HMX2: variants seen among roughly 807,000 people sequenced by gnomAD.
HMX2 encodes H6 family homeobox 2.
HMX2 carries 15 observed loss-of-function variants against 21.2 expected under a neutral mutation model. The observed-to-expected ratio is 0.71, with a 90% CI of 0.47 to 1.09. The LOEUF (loss-of-function observed/expected upper bound fraction) is 1.09, where lower values mean the gene tolerates loss of function less well. HMX2 is among the 50% of genes least tolerant of loss of function. HMX2 has a pLI of 0.00. For missense variants in HMX2, 440 were observed against 381.5 expected (o/e 1.15, Z -1.28); for synonymous variants, 193 against 181.0 (o/e 1.07, Z -0.53).
chr10:123,149,468 A>C lies in HMX2; in HGVS notation c.269-102A>C. 1.0e-6 allele frequency: 1 copy of C among 974,046 alleles called. No individual in the cohort carries two copies. Among genetic ancestry groups the C allele is most frequent in the Non-Finnish European group, 1.4e-6 (1 of 699,126 alleles). The allele number at this position is 974,046 out of a possible 1,614,324, so 60.3% of individuals were successfully genotyped here. A position where few individuals can be genotyped will look rare whatever the true frequency, so the allele number is the denominator to read the frequency against. ...GGAGGGGATTGGTAAGGTGGGACCA[A>C]GGCTGCAGGCGCTTGCCAACCGCTT... On this transcript the variant is annotated intron_variant, in intron 1 of 1. Transcript: ENST00000339992. The surrounding 1 kb of genome is among the most constrained non-coding windows in gnomAD (Gnocchi z 5.4).
Position 123,149,877 on chromosome 10 carries a change from G to A in HMX2, c.576G>A (p.Gln192=). ...LASSLQLTET[Q]VKTWFQNRRN... is the part of the protein sequence containing the mutation. ...CCAGCCTGCAGCTCACGGAGACCCA[G>A]GTAAAGACTTGGTTCCAGAACCGCC... The change falls in exon 2 of 2, where the codon CAG becomes CAA. Residue 192 remains glutamine, a synonymous_variant. Transcript: ENST00000339992. This position sits in a 1 kb window ranked among gnomAD's most constrained non-coding sequence, Gnocchi z 5.4. 2 of 1,612,838 alleles carry A rather than the reference G, an allele frequency of 1.2e-6. No individual in the cohort carries two copies. Among genetic ancestry groups the A allele is most frequent in the Non-Finnish European group, 1.7e-6 (2 of 1,179,894 alleles).
At position 123,148,347 on chromosome 10, in the gene HMX2, C is replaced by T. The variant is rs752125166; in HGVS notation, c.-32C>T. The T allele has an allele frequency of 1.3e-6, 2 of 1,592,510 alleles. No homozygotes were observed. Among genetic ancestry groups the T allele is most frequent in the Non-Finnish European group, 1.7e-6 (2 of 1,167,798 alleles). Reference sequence around the variant, plus strand: ...ACCCAGATCGTCTCTAAAGGGAGTTCTTGGTTTCCTTCGATTTCTTATGAA... The same window carrying T: ...ACCCAGATCGTCTCTAAAGGGAGTTTTTGGTTTCCTTCGATTTCTTATGAA... On this transcript the variant is annotated 5_prime_UTR_variant, in exon 1 of 2. Transcript: ENST00000339992.
Position 123,148,247 on chromosome 10 carries a change from C to T in HMX2, c.-132C>T, listed in dbSNP as rs1429034908. ...CGCGGAAGGGACGCCTCACCAGCCT[C>T]GGCGCCCCCTCCCCCTAGATTTCCT... On this transcript the variant is annotated 5_prime_UTR_variant, in exon 1 of 2. Transcript: ENST00000339992. The T allele has an allele frequency of 6.5e-6, 6 of 925,336 alleles. No individual in the cohort carries two copies. The African/African-American group carries it at 8.5e-5, about 13-fold the overall frequency. The allele number at this position is 925,336 out of a possible 1,614,324, so 57.3% of individuals were successfully genotyped here.
At position 123,148,502 on chromosome 10, in the gene HMX2, G is replaced by A. The variant is rs762725235; in HGVS notation, c.124G>A (p.Ala42Thr). 46 of 1,612,472 alleles carry A rather than the reference G, an allele frequency of 2.9e-5. No homozygotes were observed. Among genetic ancestry groups the A allele is most frequent in the Non-Finnish European group, 3.6e-5 (43 of 1,179,442 alleles). ...EAPREPVGWP[A>T]RKRSLSVSSE... The stretch of plus-strand genomic sequence containing the variant: ...ACCGCGGGAGCCCGTCGGCTGGCCA[G>A]CCAGGAAGCGCAGCCTGTCCGTGTC... The change falls in exon 1 of 2, where the codon GCC (alanine) becomes ACC (threonine). Residue 42 changes from alanine to threonine, a missense_variant. Ala to Thr is a moderately conservative substitution (Grantham distance 58, BLOSUM62 0). Coordinates refer to ENST00000339992, the MANE Select transcript of HMX2 (RefSeq NM_005519.2).
Position 123,148,561 on chromosome 10 carries a change from G to A in HMX2, c.183G>A (p.Lys61=). Residue 61 remains lysine, a synonymous_variant, in exon 1 of 2, where the codon AAG becomes AAA. Transcript: ENST00000339992. The stretch of plus-strand genomic sequence containing the variant: ...AGGAGGAGCCGGACGACGGCTGGAA[G>A]GCGCCCGCCTGCTTCTGCCCAGACC... The part of the protein sequence containing the change: ...SEEEEPDDGW[K]APACFCPDQH... The A allele has an allele frequency of 3.1e-6, 5 of 1,613,066 alleles. No homozygotes were observed. The highest frequency in any genetic ancestry group is 1.3e-5 in the African/African-American group (1 of 75,048).
intron 1 of HMX2, 88 bp downstream of exon 1, chr10:123,148,734 C>G: frequency 1.3e-6 from 2 of 1,511,378 alleles, no homozygotes; most frequent in Non-Finnish European, 1.8e-6. Flanking sequence ...CGCCGGGCCC[C>G]CTCTGGCCAG....
At position 123,150,594 on chromosome 10, in the gene HMX2, G is replaced by A. The variant is rs1464607814; in HGVS notation, c.*471G>A. On this transcript the variant is annotated 3_prime_UTR_variant, in exon 2 of 2. Transcript: ENST00000339992. The surrounding 1 kb of genome is among the most constrained non-coding windows in gnomAD (Gnocchi z 4.2). Reference sequence around the variant, plus strand: ...TTCTTTTCGTTTCCCTCATCCCGAGGATGGTAGGGACGAAAAGGGGAGAGT... The same window carrying A: ...TTCTTTTCGTTTCCCTCATCCCGAGAATGGTAGGGACGAAAAGGGGAGAGT... The A allele has an allele frequency of 6.5e-6, 1 of 153,596 alleles. No individual in the cohort carries two copies. The highest frequency in any genetic ancestry group is 1.9e-4 in the East Asian group (1 of 5,232). 9.5% of individuals were successfully genotyped at this position (153,596 alleles called of 1,614,324 possible).
Position 123,148,558 on chromosome 10 carries a change from G to A in HMX2, c.180G>A (p.Trp60Ter). ...AGGAGGAGGAGCCGGACGACGGCTG[G>A]AAGGCGCCCGCCTGCTTCTGCCCAG... ...SSEEEEPDDGWKAPACFCPDQ... is the reference protein window; with the variant it reads ...SSEEEEPDDG The change falls in exon 1 of 2, where the codon TGG becomes TGA. Residue 60 changes from tryptophan (W) to a stop codon, truncating the protein, a stop_gained. Transcript: ENST00000339992. LOFTEE classifies it high-confidence loss of function. 4 of 1,613,018 alleles carry A rather than the reference G, an allele frequency of 2.5e-6. No homozygotes were observed. The highest frequency in any genetic ancestry group is 3.4e-6 in the Non-Finnish European group (4 of 1,179,806).
rs1444736687 is a variant in HMX2 at position 123,149,503 on chromosome 10, G to A, written c.269-67G>A. 1.5e-6 allele frequency: 2 copies of A among 1,336,318 alleles called. No homozygotes were observed. The highest frequency in any genetic ancestry group is 2.0e-6 in the Non-Finnish European group (2 of 1,019,578). The allele number at this position is 1,336,318 out of a possible 1,614,324, so 82.8% of individuals were successfully genotyped here. ...CGCTTGCCAACCGCTTGGTCCCAGG[G>A]AGAGCTGGCGGTCTCCGAGGCTCCC... On this transcript the variant is annotated intron_variant, in intron 1 of 1. Transcript: ENST00000339992. The surrounding 1 kb of genome is among the most constrained non-coding windows in gnomAD (Gnocchi z 5.4).
Position 123,148,351 on chromosome 10 carries a change from G to C in HMX2, c.-28G>C. 1 of 1,612,534 alleles carries C rather than the reference G, an allele frequency of 6.2e-7. No individual in the cohort carries two copies. Among genetic ancestry groups the C allele is most frequent in the Non-Finnish European group, 8.5e-7 (1 of 1,179,328 alleles). On this transcript the variant is annotated 5_prime_UTR_variant, in exon 1 of 2. Transcript: ENST00000339992. ...AGATCGTCTCTAAAGGGAGTTCTTG[G>C]TTTCCTTCGATTTCTTATGAACCCA...
At chr10:123,148,886 A>T (rs1275123268) in intron 1 of HMX2, among the ~76,000 whole-genome samples, 1 of 152,146 alleles carries the variant, frequency 6.6e-6, no homozygotes, top group Non-Finnish European at 1.5e-5. Flanking sequence ...TTGTTGAGAG[A>T]GTGGACCACA....
Position 123,148,270 on chromosome 10 carries a change from C to T in HMX2, c.-109C>T. 29 of 601,198 alleles carry T rather than the reference C, an allele frequency of 4.8e-5. No homozygotes were observed. The highest frequency in any genetic ancestry group is 7.2e-5 in the Non-Finnish European group (25 of 347,970). The allele number at this position is 601,198 out of a possible 1,614,324, so 37.2% of individuals were successfully genotyped here. ...CTCGGCGCCCCCTCCCCCTAGATTT[C>T]CTCCCCGCCCCTCCCCACTGCCTGC... On this transcript the variant is annotated 5_prime_UTR_variant, in exon 1 of 2. Coordinates refer to ENST00000339992, the MANE Select transcript of HMX2 (RefSeq NM_005519.2).
rs773658614 is a variant in HMX2 at position 123,150,188 on chromosome 10, A to G, written c.*65A>G. On this transcript the variant is annotated 3_prime_UTR_variant, in exon 2 of 2. Coordinates refer to ENST00000339992, the MANE Select transcript of HMX2 (RefSeq NM_005519.2). This position sits in a 1 kb window ranked among gnomAD's most constrained non-coding sequence, Gnocchi z 4.2. ...GCCGGGCGCGTACTGTACTGTAAGCAGGGCTCCGGAGCAAGGCGGCGTGTT... is the reference window on the plus strand; with the variant it reads ...GCCGGGCGCGTACTGTACTGTAAGCGGGGCTCCGGAGCAAGGCGGCGTGTT... 2.8e-5 allele frequency: 37 copies of G among 1,325,298 alleles called. 1 individual carries two copies. Among genetic ancestry groups the G allele is most frequent in the Admixed American group, 1.4e-4 (5 of 36,226 alleles). The allele number at this position is 1,325,298 out of a possible 1,614,324, so 82.1% of individuals were successfully genotyped here. A position where few individuals can be genotyped will look rare whatever the true frequency, so the allele number is the denominator to read the frequency against.
chr10:123,150,054 G>T lies in HMX2; in HGVS notation c.753G>T (p.Pro251=). ...PVPRSLAFPA[P]LYYPGSNLSA... ...CGCGCTCGCTCGCCTTTCCCGCGCC[G>T]CTCTACTACCCGGGAAGCAACCTCT... The change falls in exon 2 of 2, where the codon CCG becomes CCT. Residue 251 remains proline (P), a synonymous_variant. Transcript: ENST00000339992. The surrounding 1 kb of genome is among the most constrained non-coding windows in gnomAD (Gnocchi z 4.2). 1 of 1,602,764 alleles carries T rather than the reference G, an allele frequency of 6.2e-7. No individual in the cohort carries two copies. Among genetic ancestry groups the T allele is most frequent in the Non-Finnish European group, 8.5e-7 (1 of 1,177,688 alleles).
rs756060194 is a variant in HMX2 at position 123,149,837 on chromosome 10, GCGC to G, written c.538_540del (p.Ala180del). ...AAGCGCTACCTGAGCAGCTCGGAGC[GCGC>G]CTGCCTCGCCTCCAGCCTGCAGCTC... On this transcript the variant is annotated inframe_deletion, in exon 2 of 2. Coordinates refer to ENST00000339992, the MANE Select transcript of HMX2 (RefSeq NM_005519.2). The surrounding 1 kb of genome is among the most constrained non-coding windows in gnomAD (Gnocchi z 5.4). 1.2e-6 allele frequency: 2 copies of G among 1,612,686 alleles called. No homozygotes were observed. The highest frequency in any genetic ancestry group is 8.5e-7 in the Non-Finnish European group (1 of 1,179,846).
At position 123,149,628 on chromosome 10, in the gene HMX2, C is replaced by T. The variant is rs375470480; in HGVS notation, c.327C>T (p.Leu109=). The T allele has an allele frequency of 4.5e-5, 68 of 1,509,812 alleles. No individual in the cohort carries two copies. Among genetic ancestry groups the T allele is most frequent in the Admixed American group, 1.5e-4 (6 of 41,108 alleles). 93.5% of individuals were successfully genotyped at this position (1,509,812 alleles called of 1,614,324 possible). Residue 109 remains leucine, a synonymous_variant, in exon 2 of 2, where the codon CTC becomes CTT. Transcript: ENST00000339992. The surrounding 1 kb of genome is among the most constrained non-coding windows in gnomAD (Gnocchi z 5.4). The part of the protein sequence containing the change: ...GPGGLERTPF[L]SPSHSDFKEE... Reference sequence around the variant, plus strand: ...GCGGCTTGGAGCGCACGCCTTTCCTCTCTCCTTCGCACTCGGACTTTAAAG... The same window carrying T: ...GCGGCTTGGAGCGCACGCCTTTCCTTTCTCCTTCGCACTCGGACTTTAAAG...
chr10:123,148,266 A>T lies in HMX2; in HGVS notation c.-113A>T. On this transcript the variant is annotated 5_prime_UTR_variant, in exon 1 of 2. Transcript: ENST00000339992. ...CAGCCTCGGCGCCCCCTCCCCCTAGATTTCCTCCCCGCCCCTCCCCACTGC... is the reference window on the plus strand; with the variant it reads ...CAGCCTCGGCGCCCCCTCCCCCTAGTTTTCCTCCCCGCCCCTCCCCACTGC... 2.4e-6 allele frequency: 2 copies of T among 845,556 alleles called. No individual in the cohort carries two copies. The highest frequency in any genetic ancestry group is 3.7e-6 in the Non-Finnish European group (2 of 540,240). 52.4% of individuals were successfully genotyped at this position (845,556 alleles called of 1,614,324 possible). A position where few individuals can be genotyped will look rare whatever the true frequency, so the allele number is the denominator to read the frequency against.
At chr10:123,148,727 C>T in intron 1 of HMX2, 81 bp downstream of exon 1, 7 of 1,530,610 alleles carry the variant, frequency 4.6e-6, no homozygotes, top group Non-Finnish European at 6.1e-6. Context: ...ACTCCCGCGC[C>T]GGGCCCCCTC....
rs768730030 is a variant in HMX2, at chr10:123,148,393, A to G, written c.15A>G (p.Glu5=). The part of the protein sequence containing the change: MGSK[E]DAGKGCPAAG... ...ATGAACCCAGGATGGGCAGCAAAGA[A>G]GATGCGGGCAAGGGGTGTCCGGCGG... The change falls in exon 1 of 2, where the codon GAA becomes GAG. Residue 5 remains glutamate, a synonymous_variant. Transcript: ENST00000339992. 1.1e-5 allele frequency: 17 copies of G among 1,613,268 alleles called. No homozygotes were observed. The highest frequency in any genetic ancestry group is 1.4e-5 in the Non-Finnish European group (16 of 1,179,642).
Sources: allele counts gnomAD v4.1 joint callset (sites outside exome capture counted in the v4.1 genomes callset), GRCh38; gene constraint gnomAD v4.1.1; non-coding constraint Gnocchi (gnomAD v3.1); transcripts MANE v1.5; gene names NCBI Gene and HGNC (gene_info 2026-07-23, HGNC 2026-07-21).